CNTN4: variants seen among roughly 807,000 people sequenced by gnomAD.
The protein encoded by CNTN4 is contactin-4.
In CNTN4, 77 loss-of-function variants were observed where a neutral mutation model predicts 122.5. The ratio of observed to expected loss-of-function variants is 0.63; its 90% confidence interval spans 0.52 to 0.76. The LOEUF is 0.76. Ranked by LOEUF, CNTN4 falls within the 30% of genes least tolerant of loss-of-function variation. The pLI, the probability that CNTN4 is intolerant of heterozygous loss-of-function variation, is 0.00. For missense variants in CNTN4, 1,256 were observed against 1,259.1 expected, an observed-to-expected ratio of 1.00 and a Z score of 0.04; for synonymous variants, 512 against 447.0, an observed-to-expected ratio of 1.15 and a Z score of -1.83.
chr3:2,566,622 T>G (rs1283240434), intron 3 of CNTN4, among the ~76,000 whole-genome samples: 1 of 151,570 alleles, frequency 6.6e-6, no homozygotes, highest in Non-Finnish European at 1.5e-5. Context: ...GAGGCAGAAT[T>G]TGAATCCAAG....
chr3:2,466,966 C>CT (rs1202147926), intron 3 of CNTN4, among the ~76,000 whole-genome samples: 2 of 117,770 alleles, frequency 1.7e-5, no homozygotes, highest in African/African-American at 6.3e-5. Context: ...TTCTTTCTTT[C>CT]TTTCTTTTTT....
chr3:2,398,046 G>A (rs959030590), intron 3 of CNTN4, among the ~76,000 whole-genome samples: 16 of 152,042 alleles, frequency 1.1e-4, no homozygotes, highest in African/African-American at 3.9e-4. Context: ...TCAGTTTTAA[G>A]AAACTGACAA....
intron 3 of CNTN4, among the ~76,000 whole-genome samples, chr3:2,512,224 C>A (rs1328354767): frequency 6.6e-6 from 1 of 151,938 alleles, no homozygotes; most frequent in Admixed American, 6.6e-5. Context: ...TGGAGGTGGG[C>A]AGGATAACTG....
intron 4 of CNTN4, among the ~76,000 whole-genome samples, chr3:2,650,859 C>A (rs868610174): frequency 6.6e-6 from 1 of 152,130 alleles, no homozygotes; most frequent in Admixed American, 6.5e-5. Context: ...AAAAAACTTG[C>A]GTGGCTCATT....
At chr3:2,766,773 A>C (rs1371271255) in intron 6 of CNTN4, among the ~76,000 whole-genome samples, 1 of 152,192 alleles carries the variant, frequency 6.6e-6, no homozygotes, top group Non-Finnish European at 1.5e-5. Context: ...CAGGAGATGC[A>C]ATAGTAGCAG....
chr3:2,110,302 A>G (rs1168180179), intron 2 of CNTN4: 1 of 152,252 alleles, frequency 6.6e-6, no homozygotes, highest in Non-Finnish European at 1.5e-5. Flanking sequence ...TAGGCTGTGA[A>G]CATTAATGGT....
intron 3 of CNTN4, among the ~76,000 whole-genome samples, chr3:2,379,909 T>C (rs2045954729): frequency 1.3e-5 from 2 of 151,962 alleles, no homozygotes; most frequent in African/African-American, 4.8e-5. Flanking sequence ...ACAAAAAAAT[T>C]AGCTGGGCAT....
rs531024457 is a variant in CNTN4 at position 2,780,619 on chromosome 3, C to T, written c.358+34922C>T. 4.6e-5 allele frequency among the ~76,000 whole-genome samples: 7 copies of T among 152,332 alleles called. No homozygotes were observed. The South Asian group carries it at 1.4e-3, about 32-fold the overall frequency. On this transcript the variant is annotated intron_variant, in intron 6 of 24. Coordinates refer to ENST00000418658, the MANE Select transcript of CNTN4 (RefSeq NM_175607.3). ...TTGTTCTTCTACTACTTTGATCTTA[C>T]ATGTAATATGCAATCACGCTAGCCT...
chr3:2,475,880 G>T (rs995207549), intron 3 of CNTN4, among the ~76,000 whole-genome samples: 4 of 152,136 alleles, frequency 2.6e-5, no homozygotes, highest in Non-Finnish European at 5.9e-5. Flanking sequence ...CTACACAGTG[G>T]ATCAGGGTTC....
chr3:2,923,819 T>C (rs1193953389), intron 12 of CNTN4, among the ~76,000 whole-genome samples: 1 of 152,234 alleles, frequency 6.6e-6, no homozygotes, highest in Non-Finnish European at 1.5e-5. Flanking sequence ...AGGATGGTTA[T>C]TGTTTTTGTA....
chr3:3,022,022 C>T lies in CNTN4; in HGVS notation c.1487-4080C>T, dbSNP rs559409417. Among the ~76,000 whole-genome samples, 348 of 147,340 alleles carry T rather than the reference C, an allele frequency of 2.4e-3. 1 individual carries two copies. Among genetic ancestry groups the T allele is most frequent in the Non-Finnish European group, 4.0e-3 (268 of 67,556 alleles). ...GGCAGATTGCCTGAACTCAGGAGCT[C>T]GAGACCAGCCGGAGCAACATGGCAA... On this transcript the variant is annotated intron_variant, in intron 14 of 24. Coordinates refer to ENST00000418658, the MANE Select transcript of CNTN4 (RefSeq NM_175607.3).
chr3:2,390,124 T>C (rs1248551445), intron 3 of CNTN4, among the ~76,000 whole-genome samples: 2 of 151,990 alleles, frequency 1.3e-5, no homozygotes, highest in African/African-American at 4.8e-5. Flanking sequence ...TTGAAGAAAA[T>C]TTCCTTGATT....
In CNTN4 at chr3:2,600,005, C is replaced by CTTTTTTTTTTTTTTTTTTTTTT. The variant is rs1220761684; in HGVS notation, c.55+28449_55+28450insTTTTTTTTTTTTTTTTTTTTTT. Among the ~76,000 whole-genome samples the CTTTTTTTTTTTTTTTTTTTTTT allele has an allele frequency of 1.4e-4, 4 of 28,270 alleles. 1 individual carries two copies. The highest frequency in any genetic ancestry group is 3.8e-4 in the Non-Finnish European group (4 of 10,616). 18.5% of individuals were successfully genotyped at this position (28,270 alleles called of 152,430 possible). Reference sequence around the variant, plus strand: ...CAACTCTATTTTGGTTTATGGAATTCTTCTTTTTTTTTTTTTTTTTTTTTT... The same window carrying CTTTTTTTTTTTTTTTTTTTTTT: ...CAACTCTATTTTGGTTTATGGAATTCTTTTTTTTTTTTTTTTTTTTTTTTCTTTTTTTTTTTTTTTTTTTTTT... On this transcript the variant is annotated intron_variant, in intron 4 of 24. Transcript: ENST00000418658.
At chr3:2,625,800 C>G (rs1385554312) in intron 4 of CNTN4, among the ~76,000 whole-genome samples, 2 of 152,196 alleles carry the variant, frequency 1.3e-5, no homozygotes, top group East Asian at 3.9e-4. Flanking sequence ...AAATATGTCT[C>G]CTGCTGCGCC....
intron 2 of CNTN4, among the ~76,000 whole-genome samples, chr3:2,267,102 C>G (rs1031040998): frequency 6.6e-6 from 1 of 152,046 alleles, no homozygotes; most frequent in Non-Finnish European, 1.5e-5. Flanking sequence ...ATGAGTGAAC[C>G]TTTCCTGTGT....
chr3:2,418,164 T>C (rs1314695325), intron 3 of CNTN4, among the ~76,000 whole-genome samples: 1 of 152,124 alleles, frequency 6.6e-6, no homozygotes, highest in African/African-American at 2.4e-5. Flanking sequence ...TATGTCAATG[T>C]GGGTTCACTG....
chr3:2,184,229 A>G (rs989727849), intron 2 of CNTN4, among the ~76,000 whole-genome samples: 2 of 152,126 alleles, frequency 1.3e-5, no homozygotes, highest in Admixed American at 6.6e-5. Flanking sequence ...CAAGTAATCC[A>G]CCAGCTTTGG....
intron 3 of CNTN4, 116 bp downstream of exon 3, chr3:2,339,349 T>G (rs1176266950): frequency 6.6e-6 from 1 of 152,090 alleles, no homozygotes; most frequent in African/African-American, 2.4e-5. Context: ...TGAGATTGTT[T>G]TTGATGTTTT....
intron 6 of CNTN4, among the ~76,000 whole-genome samples, chr3:2,817,068 T>C (rs184286475): frequency 4.8e-4 from 73 of 152,294 alleles, no homozygotes; most frequent in Middle Eastern, 3.4e-3. Context: ...AAGAACAATT[T>C]GAGGCATGTA....
Sources: gnomAD v4.1 joint callset for allele counts (sites outside exome capture counted in the v4.1 genomes callset) on GRCh38, gnomAD v4.1.1 for gene constraint, MANE v1.5 for transcripts, NCBI Gene and HGNC (gene_info 2026-07-23, HGNC 2026-07-21) for gene names.